FOXP2: variants seen among roughly 807,000 people sequenced by gnomAD.
The protein encoded by FOXP2 is forkhead box protein P2.
In FOXP2, 12 loss-of-function variants were observed where a neutral mutation model predicts 115.8. The ratio of observed to expected loss-of-function variants is 0.10; its 90% CI spans 0.07 to 0.17. FOXP2 has a LOEUF of 0.17. Among genes scored for constraint, FOXP2 ranks in the 10% least tolerant of loss-of-function variants. FOXP2 has a pLI of 1.00. For synonymous variants in FOXP2, 328 were observed against 297.7 expected (o/e 1.10, Z -1.05); for missense variants, 629 against 843.5 (o/e 0.75, Z 3.15).
At chr7:114,352,781 A>G (rs1000014283) in intron 2 of FOXP2, among the ~76,000 whole-genome samples, 2 of 152,062 alleles carry the variant, frequency 1.3e-5, no homozygotes, top group African/African-American at 4.8e-5. Flanking sequence ...GAGGGTTAGG[A>G]CTTCAACTAT....
chr7:114,555,022 G>A (rs1036759326), intron 3 of FOXP2, among the ~76,000 whole-genome samples: 1 of 152,042 alleles, frequency 6.6e-6, no homozygotes, highest in African/African-American at 2.4e-5. Context: ...TAGGGCCAGC[G>A]AAAAAGAAGA....
chr7:114,361,876 G>A (rs955826271), intron 2 of FOXP2, among the ~76,000 whole-genome samples: 3 of 152,038 alleles, frequency 2.0e-5, no homozygotes, highest in African/African-American at 7.2e-5. Context: ...AAGTAACCTA[G>A]AATGGGCTGT....
At chr7:114,411,016 C>T (rs560030595), upstream of FOXP2, among the ~76,000 whole-genome samples, 3 of 151,930 alleles carry the variant, frequency 2.0e-5, no homozygotes, top group African/African-American at 7.3e-5. Context: ...GCACTCTCAG[C>T]GAACTTAGTG....
chr7:114,325,571 G>A (rs1426655055), intron 2 of FOXP2, among the ~76,000 whole-genome samples: 1 of 151,626 alleles, frequency 6.6e-6, no homozygotes, highest in African/African-American at 2.4e-5. Flanking sequence ...AAATTTATCT[G>A]TTCTATCTTA....
chr7:114,595,550 C>A (rs1217272188), intron 3 of FOXP2, among the ~76,000 whole-genome samples: 1 of 151,944 alleles, frequency 6.6e-6, no homozygotes, highest in Non-Finnish European at 1.5e-5. Context: ...CCCAATTCTG[C>A]AATGTAAACA....
chr7:114,592,959 G>T (rs986231367), intron 3 of FOXP2, among the ~76,000 whole-genome samples: 1 of 151,844 alleles, frequency 6.6e-6, no homozygotes, highest in Non-Finnish European at 1.5e-5. Flanking sequence ...TGTTTATATT[G>T]TCTTTAGTTT....
chr7:114,676,708 G>A (rs1289697209), intron 16 of FOXP2, among the ~76,000 whole-genome samples: 1 of 152,120 alleles, frequency 6.6e-6, no homozygotes, highest in African/African-American at 2.4e-5. Context: ...TAAAAGGTAT[G>A]CTATTTGAAT....
intron 1 of FOXP2, among the ~76,000 whole-genome samples, chr7:114,175,230 C>T (rs556005633): frequency 1.1e-3 from 164 of 152,102 alleles, no homozygotes; most frequent in Non-Finnish European, 2.1e-3. Flanking sequence ...TGGGTGGTAG[C>T]CTCCAAATCT....
rs115293693 is a variant in FOXP2, at chr7:114,177,211, T to C, written c.-102+14123T>C. Among the ~76,000 whole-genome samples, 408 of 152,298 alleles carry C rather than the reference T, an allele frequency of 2.7e-3. 2 individuals carry two copies. The highest frequency in any genetic ancestry group is 8.9e-3 in the African/African-American group (368 of 41,566). Reference sequence around the variant, plus strand: ...TTTACCTGTGTACCTAGGAGTAGAATTTTTGTATTATCAGGTATCTATAGC... The same window carrying C: ...TTTACCTGTGTACCTAGGAGTAGAACTTTTGTATTATCAGGTATCTATAGC... On this transcript the variant is annotated intron_variant, in intron 1 of 17. Transcript: ENST00000634411.
upstream of FOXP2, among the ~76,000 whole-genome samples, chr7:114,158,683 T>G (rs1444981069): frequency 6.6e-6 from 1 of 152,146 alleles, no homozygotes; most frequent in Non-Finnish European, 1.5e-5. Flanking sequence ...TTCTGGTGAT[T>G]GTTGCCTTGA....
At chr7:114,485,084 G>C (rs1203082020) in intron 2 of FOXP2, among the ~76,000 whole-genome samples, 2 of 151,860 alleles carry the variant, frequency 1.3e-5, no homozygotes, top group Admixed American at 1.3e-4. Flanking sequence ...ACTAGATTTT[G>C]TTAACATTAT....
chr7:114,426,571 G>A lies in FOXP2; in HGVS notation c.60G>A (p.Met20Ile). ...ISNSSMNQNG[M>I]STLSSQLDAG... The stretch of plus-strand genomic sequence containing the variant: ...ACAGTTCAATGAATCAAAATGGAAT[G>A]AGCACTCTAAGCAGCCAATTAGATG... The change falls in exon 2 of 17, where the codon ATG becomes ATA. Residue 20 changes from methionine to isoleucine, a missense_variant. Physicochemically the swap from Met to Ile is conservative, Grantham distance 10. This residue lies in a region of FOXP2 where 91 missense variants were observed against 98.3 expected (regional missense o/e 0.93). Coordinates refer to ENST00000350908, the MANE Select transcript of FOXP2 (RefSeq NM_014491.4). 6.2e-7 allele frequency: 1 copy of A among 1,611,594 alleles called. No individual in the cohort carries two copies. The highest frequency in any genetic ancestry group is 8.5e-7 in the Non-Finnish European group (1 of 1,178,394).
At chr7:114,315,262 G>A (rs143189943) in intron 2 of FOXP2, among the ~76,000 whole-genome samples, 4 of 152,214 alleles carry the variant, frequency 2.6e-5, no homozygotes, top group Admixed American at 2.6e-4. Context: ...CATTGTATTA[G>A]GCACATTTTC....
Position 114,690,976 on chromosome 7 carries a change from A to G in FOXP2, c.*1050A>G, listed in dbSNP as rs1808638915. On this transcript the variant is annotated 3_prime_UTR_variant, in exon 17 of 17. Transcript: ENST00000350908. ...AGTCACAGAGTAATCTTCTGAGGCCAAAAGTCCATCTAAATGCAATGAAGA... is the reference window on the plus strand; with the variant it reads ...AGTCACAGAGTAATCTTCTGAGGCCGAAAGTCCATCTAAATGCAATGAAGA... 2.2e-6 allele frequency: 1 copy of G among 454,382 alleles called. No individual in the cohort carries two copies. Among genetic ancestry groups the G allele is most frequent in the African/African-American group, 2.0e-5 (1 of 50,010 alleles). The allele number at this position is 454,382 out of a possible 1,614,324, so 28.1% of individuals were successfully genotyped here. A position where few individuals can be genotyped will look rare whatever the true frequency, so the allele number is the denominator to read the frequency against.
At chr7:114,326,803 T>G (rs1448520848) in intron 2 of FOXP2, among the ~76,000 whole-genome samples, 1 of 152,212 alleles carries the variant, frequency 6.6e-6, no homozygotes, top group East Asian at 1.9e-4. Context: ...GAGGAAATAT[T>G]CAAATAAAGT....
chr7:114,534,310 A>G (rs1799273416), intron 2 of FOXP2, among the ~76,000 whole-genome samples: 1 of 150,342 alleles, frequency 6.7e-6, no homozygotes, highest in Non-Finnish European at 1.5e-5. Flanking sequence ...TTTAGTTAAC[A>G]CTCAAAGACA....
At chr7:114,098,186 G>T (rs1319702938) in intron 1 of FOXP2, among the ~76,000 whole-genome samples, 2 of 152,306 alleles carry the variant, frequency 1.3e-5, no homozygotes, top group South Asian at 4.1e-4. Flanking sequence ...GGAGAAATTG[G>T]CCAGGGGTTT....
At chr7:114,609,072 G>C (rs1354677768) in intron 3 of FOXP2, among the ~76,000 whole-genome samples, 1 of 151,940 alleles carries the variant, frequency 6.6e-6, no homozygotes, top group East Asian at 1.9e-4. Flanking sequence ...AATTAGCTGG[G>C]TGTGGTGGCG....
chr7:114,412,527 G>T (rs1667430899), upstream of FOXP2, among the ~76,000 whole-genome samples: 1 of 152,110 alleles, frequency 6.6e-6, no homozygotes, highest in Admixed American at 6.6e-5. Flanking sequence ...GGAGGTATTT[G>T]CATTAGTTAA....
Sources: allele counts gnomAD v4.1 joint callset (sites outside exome capture counted in the v4.1 genomes callset), GRCh38; gene constraint gnomAD v4.1.1; regional missense constraint gnomAD v4.1.1; transcripts MANE v1.5; gene names NCBI Gene and HGNC (gene_info 2026-07-23, HGNC 2026-07-21).